The following AGTPBP1 variants were observed in gnomAD, a reference collection of about 807,000 sequenced individuals.
The protein encoded by AGTPBP1 is ATP/GTP binding carboxypeptidase 1.
Under a neutral mutation model 143.9 loss-of-function variants are expected in AGTPBP1, and 70 were observed. That is an observed-to-expected ratio of 0.49 (90% CI 0.40 to 0.59). The LOEUF (loss-of-function observed/expected upper bound fraction) is 0.59, where lower values mean the gene tolerates loss of function less well. Ranked by LOEUF, AGTPBP1 falls within the 20% of genes least tolerant of loss-of-function variation. The pLI, the probability that AGTPBP1 is intolerant of heterozygous loss-of-function variation, is 0.00. For missense variants in AGTPBP1, 1,229 were observed against 1,464.5 expected (o/e 0.84, Z 2.62); for synonymous variants, 463 against 500.2 (o/e 0.93, Z 0.99).
intron 11 of AGTPBP1, 59 bp downstream of exon 11, chr9:85,655,084 T>A (rs1373607411): frequency 1.4e-6 from 2 of 1,406,506 alleles, no homozygotes; most frequent in Middle Eastern, 1.9e-4. Flanking sequence ...AAAAAGAAAA[T>A]CACAGGGTCA....
chr9:85,588,751 T>C (rs1042855028), intron 20 of AGTPBP1, among the ~76,000 whole-genome samples: 1 of 152,152 alleles, frequency 6.6e-6, no homozygotes, highest in Non-Finnish European at 1.5e-5. Flanking sequence ...TAATTTAACA[T>C]GTAAAATTCG....
intron 25 of AGTPBP1, among the ~76,000 whole-genome samples, chr9:85,559,772 T>A (rs1008234048): frequency 6.6e-6 from 1 of 152,150 alleles, no homozygotes. Context: ...CCATATTTGG[T>A]GTAAAAGTGG....
intron 4 of AGTPBP1, among the ~76,000 whole-genome samples, chr9:85,680,962 A>G (rs10117745): frequency 0.3 from 46,069 of 152,148 alleles, 8,044 homozygotes; most frequent in East Asian, 0.54. Context: ...ATACCAACTA[A>G]AATGGCATGT....
chr9:85,626,395 A>T (rs1413682674), intron 14 of AGTPBP1, among the ~76,000 whole-genome samples: 1 of 152,218 alleles, frequency 6.6e-6, no homozygotes, highest in African/African-American at 2.4e-5. Context: ...CCTTTTCTGA[A>T]AGTGATAAAA....
chr9:85,734,704 T>C (rs1839123470), intron 1 of AGTPBP1, among the ~76,000 whole-genome samples: 2 of 152,212 alleles, frequency 1.3e-5, no homozygotes, highest in East Asian at 1.9e-4. Flanking sequence ...TGAAGGTTCC[T>C]TGAAAAATTA....
At chr9:85,675,730 T>C (rs552968343) in intron 6 of AGTPBP1, among the ~76,000 whole-genome samples, 2 of 152,120 alleles carry the variant, frequency 1.3e-5, no homozygotes, top group Admixed American at 6.6e-5. Context: ...TAGTTGACTA[T>C]AAAAAACCAT....
At chr9:85,583,721 C>T (rs182629604) in intron 23 of AGTPBP1, among the ~76,000 whole-genome samples, 1 of 152,206 alleles carries the variant, frequency 6.6e-6, no homozygotes, top group East Asian at 1.9e-4. Context: ...TGCCATTCAT[C>T]CATCAACCCA....
intron 25 of AGTPBP1, among the ~76,000 whole-genome samples, chr9:85,564,742 C>A (rs145732451): frequency 1.3e-5 from 2 of 152,214 alleles, no homozygotes; most frequent in East Asian, 3.9e-4. Flanking sequence ...GATATTCATA[C>A]GATGATGAAA....
At chr9:85,653,012 G>C (rs1167774269) in intron 11 of AGTPBP1, among the ~76,000 whole-genome samples, 1 of 152,206 alleles carries the variant, frequency 6.6e-6, no homozygotes, top group Non-Finnish European at 1.5e-5. Context: ...AATGCTGTGA[G>C]TAAAAGAGTT....
intron 6 of AGTPBP1, among the ~76,000 whole-genome samples, chr9:85,674,248 G>A (rs190810897): frequency 6.7e-6 from 1 of 150,042 alleles, no homozygotes; most frequent in East Asian, 2.0e-4. Context: ...AAAAAGAATA[G>A]AAAAATCACT....
the AGTPBP1 span, among the ~76,000 whole-genome samples, chr9:85,802,938 G>C: frequency 6.6e-6 from 1 of 152,222 alleles, no homozygotes; most frequent in African/African-American, 2.4e-5. Flanking sequence ...CTTAATACTT[G>C]ACCATATGCA....
At chr9:85,625,847 T>C (rs931961188) in intron 14 of AGTPBP1, among the ~76,000 whole-genome samples, 2 of 148,594 alleles carry the variant, frequency 1.3e-5, no homozygotes, top group Non-Finnish European at 3.0e-5. Context: ...ATCGTGCCAC[T>C]GCACTCCAGC....
At chr9:85,632,603 G>T in intron 14 of AGTPBP1, 59 bp downstream of exon 14, 1 of 1,399,658 alleles carries the variant, frequency 7.1e-7, no homozygotes, top group Non-Finnish European at 9.6e-7. Context: ...ATTTTTTTAA[G>T]ACTGCCTCAT....
intron 3 of AGTPBP1, 71 bp downstream of exon 3, chr9:85,692,618 G>C: frequency 6.4e-7 from 1 of 1,550,478 alleles, no homozygotes; most frequent in Non-Finnish European, 8.7e-7. Flanking sequence ...TTAGAAGTTT[G>C]AACATTTTTA....
rs1346057098 is a variant in AGTPBP1 at position 85,618,149 on chromosome 9, C to T, written c.2335+834G>A. ...TTGGGGGTCTGATGCAGGGGAATCA[C>T]GTGAACCTGAGAGGTGGAGGTTGCA... On this transcript the variant is annotated intron_variant, in intron 17 of 25. Transcript: ENST00000357081. 4.6e-5 allele frequency among the ~76,000 whole-genome samples: 7 copies of T among 151,262 alleles called. No individual in the cohort carries two copies. The East Asian group carries it at 9.7e-4, about 21-fold the overall frequency.
intron 2 of AGTPBP1, among the ~76,000 whole-genome samples, chr9:85,711,458 G>A (rs943614267): frequency 2.9e-5 from 2 of 68,720 alleles, no homozygotes; most frequent in Non-Finnish European, 5.9e-5. Flanking sequence ...TTTTTTTTTT[G>A]AGACAGAGTC....
At chr9:85,548,666 T>A (rs943806791) in intron 25 of AGTPBP1, among the ~76,000 whole-genome samples, 1 of 136,242 alleles carries the variant, frequency 7.3e-6, no homozygotes, top group Non-Finnish European at 1.6e-5. Context: ...TTGGCTTTGG[T>A]TTTTTTTTGT....
intron 8 of AGTPBP1, among the ~76,000 whole-genome samples, chr9:85,664,987 G>A (rs1191411382): frequency 6.6e-6 from 1 of 152,134 alleles, no homozygotes; most frequent in Non-Finnish European, 1.5e-5. Context: ...ACTATGCAAA[G>A]TTAAGACACA....
At chr9:85,669,354 T>G (rs1277891929) in intron 8 of AGTPBP1, 131 bp downstream of exon 8, 3 of 464,024 alleles carry the variant, frequency 6.5e-6, no homozygotes, top group Non-Finnish European at 1.1e-5. Flanking sequence ...GATAAAATCA[T>G]TATTTAAGAA....
Sources: gnomAD v4.1 joint callset for allele counts (sites outside exome capture counted in the v4.1 genomes callset) on GRCh38, gnomAD v4.1.1 for gene constraint, MANE v1.5 for transcripts, NCBI Gene and HGNC (gene_info 2026-07-23, HGNC 2026-07-21) for gene names.